WDR48: variants seen among roughly 807,000 people sequenced by gnomAD.
The protein encoded by WDR48 is WD repeat-containing protein 48.
A neutral mutation model predicts 94.0 loss-of-function variants in WDR48; 22 were observed. The ratio of observed to expected loss-of-function variants is 0.23; its 90% CI spans 0.17 to 0.33. The LOEUF is 0.33. WDR48 is among the 10% of genes least tolerant of loss of function. The pLI, the probability that WDR48 is intolerant of heterozygous loss-of-function variation, is 1.00. For missense variants in WDR48, 541 were observed against 813.8 expected (o/e 0.66, Z 4.08); for synonymous variants, 278 against 280.5 (o/e 0.99, Z 0.09).
At chr3:39,080,386 A>G (rs1177064776) in intron 11 of WDR48, among the ~76,000 whole-genome samples, 3 of 152,240 alleles carry the variant, frequency 2.0e-5, no homozygotes, top group Non-Finnish European at 4.4e-5. Flanking sequence ...TCATGTTACA[A>G]TAACTCCTTC....
chr3:39,058,431 C>A (rs757751351), intron 1 of WDR48, among the ~76,000 whole-genome samples: 8 of 152,218 alleles, frequency 5.3e-5, no homozygotes, highest in African/African-American at 1.7e-4. Flanking sequence ...TACTTTCCAC[C>A]TAGAATGAGA....
rs573441251 is a variant in WDR48 at position 39,057,930 on chromosome 3, T to C, written c.49-5120T>C. Reference sequence around the variant, plus strand: ...CACTGCGCCTGGCCCCTGGTTATTTTTATATATGTATAGTCTTCAAAACTT... The same window carrying C: ...CACTGCGCCTGGCCCCTGGTTATTTCTATATATGTATAGTCTTCAAAACTT... On this transcript the variant is annotated intron_variant, in intron 1 of 18. Coordinates refer to ENST00000302313, the MANE Select transcript of WDR48 (RefSeq NM_020839.4). Among the ~76,000 whole-genome samples the C allele has an allele frequency of 2.4e-4, 36 of 152,326 alleles. 1 individual carries two copies. Among genetic ancestry groups the C allele is most frequent in the South Asian group, 1.9e-3 (9 of 4,820 alleles).
In WDR48 at chr3:39,052,079, G is replaced by T; in HGVS notation, c.48+6G>T. The T allele has an allele frequency of 6.2e-7, 1 of 1,613,592 alleles. No homozygotes were observed. Among genetic ancestry groups the T allele is most frequent in the South Asian group, 1.1e-5 (1 of 91,060 alleles). ...CAGGGCGGAGGAAAGTGCAGGTATGGAAGCCCGGTTCCTCGGTCTTCCGGA... is the reference window on the plus strand; with the variant it reads ...CAGGGCGGAGGAAAGTGCAGGTATGTAAGCCCGGTTCCTCGGTCTTCCGGA... On this transcript the variant is annotated splice_donor_region_variant and intron_variant, in intron 1 of 18. Coordinates refer to ENST00000302313, the MANE Select transcript of WDR48 (RefSeq NM_020839.4).
In WDR48 at chr3:39,096,043, G is replaced by A. The variant is rs1366231203; in HGVS notation, c.*1300G>A. On this transcript the variant is annotated 3_prime_UTR_variant, in exon 19 of 19. Transcript: ENST00000302313. The stretch of plus-strand genomic sequence containing the variant: ...CTCCACCATAGCAGGGACTAGGGAG[G>A]GAGGCAGGGAACGTTTTTTCTTTTC... 6.5e-6 allele frequency: 1 copy of A among 152,678 alleles called. No individual in the cohort carries two copies. The highest frequency in any genetic ancestry group is 1.9e-4 in the East Asian group (1 of 5,194). The allele number at this position is 152,678 out of a possible 1,614,324, so 9.5% of individuals were successfully genotyped here. A position where few individuals can be genotyped will look rare whatever the true frequency, so the allele number is the denominator to read the frequency against.
chr3:39,074,980 T>C, intron 8 of WDR48, 30 bp downstream of exon 8: 1 of 1,601,994 alleles, frequency 6.2e-7, no homozygotes, highest in East Asian at 2.3e-5. Context: ...TTTAGTTTTA[T>C]AATTAAGGTT....
chr3:39,075,457 T>G (rs1229946208), intron 8 of WDR48, among the ~76,000 whole-genome samples: 1 of 152,032 alleles, frequency 6.6e-6, no homozygotes, highest in Non-Finnish European at 1.5e-5. Context: ...GGAAGAGTAC[T>G]CTCCTGAAAG....
At chr3:39,057,443 C>G (rs747515568) in intron 1 of WDR48, among the ~76,000 whole-genome samples, 1 of 152,074 alleles carries the variant, frequency 6.6e-6, no homozygotes, top group African/African-American at 2.4e-5. Context: ...TCATTACAGT[C>G]ATTACTATTT....
intron 18 of WDR48, chr3:39,094,427 T>C (rs2035237385): frequency 5.2e-6 from 8 of 1,526,376 alleles, no homozygotes; most frequent in East Asian, 2.5e-5. Context: ...GAGGAATGGC[T>C]GAAAGATGGC....
At chr3:39,094,589 T>C (rs1215421964) in intron 18 of WDR48, 59 bp from the exon 19 acceptor site, 1 of 1,604,806 alleles carries the variant, frequency 6.2e-7, no homozygotes, top group East Asian at 2.2e-5. Flanking sequence ...CCTGAGTTAA[T>C]GATAAGGTTT....
At chr3:39,079,640 C>T in intron 10 of WDR48, 71 bp from the exon 11 acceptor site, 1 of 1,141,236 alleles carries the variant, frequency 8.8e-7, no homozygotes, top group Non-Finnish European at 1.2e-6. Context: ...TACCAGTTAA[C>T]AATTGTTACC....
chr3:39,063,966 G>T (rs1385974677), intron 2 of WDR48, among the ~76,000 whole-genome samples: 2 of 152,010 alleles, frequency 1.3e-5, no homozygotes, highest in African/African-American at 4.8e-5. Context: ...AATAAATAAA[G>T]ATAATATAAA....
At chr3:39,091,497 A>G (rs1575437938) in intron 16 of WDR48, 128 bp from the exon 17 acceptor site, 1 of 716,626 alleles carries the variant, frequency 1.4e-6, no homozygotes, top group Non-Finnish European at 2.2e-6. Context: ...AGCTTACTAT[A>G]CATTTCATAG....
intron 11 of WDR48, among the ~76,000 whole-genome samples, chr3:39,082,346 A>C (rs1448267408): frequency 6.6e-6 from 1 of 151,514 alleles, no homozygotes; most frequent in Non-Finnish European, 1.5e-5. Flanking sequence ...CAGTGGCGCA[A>C]CCTCAGCTCA....
Position 39,094,777 on chromosome 3 carries a change from G to T in WDR48, c.*34G>T, listed in dbSNP as rs754175830. 1 of 1,612,308 alleles carries T rather than the reference G, an allele frequency of 6.2e-7. No individual in the cohort carries two copies. ...CTAATGCTCCTGGATATTCATTTAC[G>T]ACCTTCCTCTATGGCCCCAAGAGTA... On this transcript the variant is annotated 3_prime_UTR_variant, in exon 19 of 19. Transcript: ENST00000302313.
Position 39,052,054 on chromosome 3 carries a change from C to G in WDR48, c.29C>G (p.Ala10Gly), listed in dbSNP as rs752639002. 6.2e-7 allele frequency: 1 copy of G among 1,613,930 alleles called. No individual in the cohort carries two copies. The change falls in exon 1 of 19, where the codon GCA (alanine) becomes GGA (glycine). Residue 10 changes from alanine (A) to glycine (G), a missense_variant. Ala to Gly is a moderately conservative substitution (Grantham distance 60, BLOSUM62 0). Transcript: ENST00000302313. MAAHHRQNTAGRRKVQVSYV... is the reference protein window; with the variant it reads MAAHHRQNTGGRRKVQVSYV... ...GCGGCCCATCACCGGCAGAACACAG[C>G]AGGGCGGAGGAAAGTGCAGGTATGG...
rs779377108 is a variant in WDR48 at position 39,065,917 on chromosome 3, G to T, written c.268+28G>T. 3.8e-5 allele frequency: 58 copies of T among 1,519,514 alleles called. 2 individuals are homozygous for T. The South Asian group carries it at 7.3e-4, about 19-fold the overall frequency. 94.1% of individuals were successfully genotyped at this position (1,519,514 alleles called of 1,614,324 possible). ...AAGTATTTCTTTGGATTATTATTGG[G>T]CTTCTGATATATTTTTTGTTTTTTA... On this transcript the variant is annotated intron_variant, in intron 3 of 18. Coordinates refer to ENST00000302313, the MANE Select transcript of WDR48 (RefSeq NM_020839.4).
At chr3:39,082,565 CA>C (rs1396430420) in intron 11 of WDR48, among the ~76,000 whole-genome samples, 1 of 152,052 alleles carries the variant, frequency 6.6e-6, no homozygotes, top group Non-Finnish European at 1.5e-5. Flanking sequence ...CAGGCATGAG[CA>C]ACCGTGCCTG....
chr3:39,077,167 C>T lies in WDR48; in HGVS notation c.926C>T (p.Pro309Leu), dbSNP rs770868944. 2 of 1,614,000 alleles carry T rather than the reference C, an allele frequency of 1.2e-6. No homozygotes were observed. Among genetic ancestry groups the T allele is most frequent in the East Asian group, 4.5e-5 (2 of 44,874 alleles). ...GAGCTTGATAGATCAGCTGATCCTCCTCCTGCAATTTGGGTTGCAACAACT... is the reference window on the plus strand; with the variant it reads ...GAGCTTGATAGATCAGCTGATCCTCTTCCTGCAATTTGGGTTGCAACAACT... Reference protein sequence around the residue: ...KMELDRSADPPPAIWVATTKS... With the variant: ...KMELDRSADPLPAIWVATTKS... Residue 309 changes from proline to leucine, a missense_variant, in exon 9 of 19, where the codon CCT becomes CTT. By Grantham distance (98) the Pro-to-Leu change is moderately conservative. Transcript: ENST00000302313.
intron 2 of WDR48, among the ~76,000 whole-genome samples, chr3:39,065,374 G>A (rs1318992312): frequency 2.0e-5 from 3 of 152,126 alleles, no homozygotes; most frequent in African/African-American, 7.2e-5. Context: ...AGGCTCCTTA[G>A]TGCACTCATC....
Sources: allele counts gnomAD v4.1 joint callset (sites outside exome capture counted in the v4.1 genomes callset), GRCh38; gene constraint gnomAD v4.1.1; transcripts MANE v1.5; gene names NCBI Gene and HGNC (gene_info 2026-07-23, HGNC 2026-07-21).